The following STRBP variants were observed in gnomAD, a reference collection of about 807,000 sequenced individuals.
STRBP encodes the protein spermatid perinuclear RNA-binding protein.
STRBP carries 13 observed loss-of-function variants against 80.1 expected under a neutral mutation model. The observed-to-expected ratio is 0.16, with a 90% CI of 0.11 to 0.26. The LOEUF (loss-of-function observed/expected upper bound fraction) is 0.26. Among genes scored for constraint, STRBP ranks in the 10% least tolerant of loss-of-function variants. STRBP has a pLI of 1.00. For synonymous variants in STRBP, 284 were observed against 291.2 expected, an observed-to-expected ratio of 0.98 and a Z score of 0.25; for missense variants, 485 against 815.2, an observed-to-expected ratio of 0.59 and a Z score of 4.93.
intron 2 of STRBP, among the ~76,000 whole-genome samples, chr9:123,236,160 C>T (rs1431915899): frequency 6.6e-6 from 1 of 152,094 alleles, no homozygotes; most frequent in African/African-American, 2.4e-5. Flanking sequence ...AAAATGTTCC[C>T]AATTTCTTGA....
At chr9:123,146,407 G>C (rs371671818) in intron 13 of STRBP, among the ~76,000 whole-genome samples, 3 of 150,940 alleles carry the variant, frequency 2.0e-5, no homozygotes, top group Non-Finnish European at 2.9e-5. Context: ...ATAGTTTCCC[G>C]TAGCATGTTA....
intron 2 of STRBP, among the ~76,000 whole-genome samples, chr9:123,201,065 G>C (rs1214611509): frequency 6.6e-6 from 1 of 151,876 alleles, no homozygotes; most frequent in Non-Finnish European, 1.5e-5. Context: ...GTATTTCTGT[G>C]GTGTCAAGTG....
chr9:123,246,851 AT>A (rs1271829452), intron 1 of STRBP, among the ~76,000 whole-genome samples: 26 of 152,320 alleles, frequency 1.7e-4, no homozygotes, highest in African/African-American at 5.3e-4. Flanking sequence ...TAACCATCTT[AT>A]TCAATCAAGT....
intron 2 of STRBP, among the ~76,000 whole-genome samples, chr9:123,230,241 C>T (rs2040360466): frequency 6.6e-6 from 1 of 152,074 alleles, no homozygotes. Context: ...AAATAGGAGG[C>T]CAATGTGTTG....
chr9:123,203,844 C>T (rs931456156), intron 2 of STRBP, among the ~76,000 whole-genome samples: 6 of 151,952 alleles, frequency 3.9e-5, no homozygotes, highest in African/African-American at 1.5e-4. Context: ...TGGTGGCAGG[C>T]GCTTGTAGTC....
chr9:123,184,201 CA>C lies in STRBP; in HGVS notation c.-68del. ...CCTCTTTCTTGTCGTCTTCACTAGACACTGTTTTGTGTAACAATACCTCCTC... is the reference window on the plus strand; with the variant it reads ...CCTCTTTCTTGTCGTCTTCACTAGACCTGTTTTGTGTAACAATACCTCCTC... On this transcript the variant is annotated 5_prime_UTR_variant, in exon 3 of 19. The change creates a premature stop within an existing upstream ORF in the 5' untranslated region. Coordinates refer to ENST00000348403, the MANE Select transcript of STRBP (RefSeq NM_018387.5). 1 of 1,548,686 alleles carries C rather than the reference CA, an allele frequency of 6.5e-7. No individual in the cohort carries two copies. The highest frequency in any genetic ancestry group is 1.2e-5 in the South Asian group (1 of 85,458).
chr9:123,206,615 A>G (rs144099329), intron 2 of STRBP, among the ~76,000 whole-genome samples: 153 of 152,136 alleles, frequency 1.0e-3, no homozygotes, highest in African/African-American at 3.2e-3. Flanking sequence ...CATTTCCATA[A>G]TAAGATTTTT....
intron 3 of STRBP, chr9:123,111,849 G>A: frequency 4.2e-6 from 1 of 240,830 alleles, no homozygotes. Context: ...GAGAAGACCA[G>A]GCAGCAAAAT....
intron 1 of STRBP, among the ~76,000 whole-genome samples, chr9:123,263,591 A>C (rs2041204783): frequency 6.6e-6 from 1 of 151,924 alleles, no homozygotes; most frequent in South Asian, 2.1e-4. Context: ...CATGACCAAC[A>C]CCTGGAAGGC....
At chr9:123,140,597 AAAAC>A (rs563994292) in intron 13 of STRBP, among the ~76,000 whole-genome samples, 228 of 152,296 alleles carry the variant, frequency 1.5e-3, no homozygotes, top group African/African-American at 4.7e-3. Context: ...CTGTCTCAAA[AAAAC>A]AAACAAACAA....
rs2035807711 is a variant in STRBP at position 123,123,936 on chromosome 9, C to T, written c.*1661G>A. On this transcript the variant is annotated 3_prime_UTR_variant, in exon 19 of 19. Coordinates refer to ENST00000348403, the MANE Select transcript of STRBP (RefSeq NM_018387.5). ...TCTTGTTTATGTCTAGCCACTAATG[C>T]ACAGGATGAGAATGATAAGTTACAG... 3 of 985,326 alleles carry T rather than the reference C, an allele frequency of 3.0e-6. No homozygotes were observed. Among genetic ancestry groups the T allele is most frequent in the Non-Finnish European group, 3.6e-6 (3 of 829,914 alleles). The allele number at this position is 985,326 out of a possible 1,614,324, so 61.0% of individuals were successfully genotyped here.
chr9:123,132,870 T>C lies in STRBP; in HGVS notation c.1872A>G (p.Thr624=). The C allele has an allele frequency of 1.2e-6, 2 of 1,614,130 alleles. No homozygotes were observed. Among genetic ancestry groups the C allele is most frequent in the Non-Finnish European group, 1.7e-6 (2 of 1,179,978 alleles). ...CTGGAGCTATGTAGCCAGGAGCAGCTGTCGCCCCAACAAAAGCTCCCCTTG... is the reference window on the plus strand; with the variant it reads ...CTGGAGCTATGTAGCCAGGAGCAGCCGTCGCCCCAACAAAAGCTCCCCTTG... The part of the protein sequence containing the change: ...TLTRGAFVGA[T]AAPGYIAPGY... The change falls in exon 17 of 19, where the codon ACA becomes ACG. Residue 624 remains threonine, a synonymous_variant. Coordinates refer to ENST00000348403, the MANE Select transcript of STRBP (RefSeq NM_018387.5).
At chr9:123,250,378 T>TAAC (rs1438756176) in intron 1 of STRBP, among the ~76,000 whole-genome samples, 2 of 152,202 alleles carry the variant, frequency 1.3e-5, no homozygotes, top group African/African-American at 2.4e-5. Flanking sequence ...ATATAATAGT[T>TAAC]TATTAGCATT....
intron 6 of STRBP, among the ~76,000 whole-genome samples, chr9:123,167,134 A>G (rs78109008): frequency 0.017 from 2,520 of 150,964 alleles, 78 homozygotes; most frequent in African/African-American, 0.058. Flanking sequence ...TTCCTTTTTT[A>G]GATTTTACCC....
chr9:123,166,087 G>A (rs911165762), intron 6 of STRBP, among the ~76,000 whole-genome samples: 1 of 152,168 alleles, frequency 6.6e-6, no homozygotes, highest in Admixed American at 6.5e-5. Context: ...CCTTAGAGGT[G>A]CTAAGGATAA....
intron 2 of STRBP, among the ~76,000 whole-genome samples, chr9:123,218,028 G>C (rs1239503673): frequency 1.3e-5 from 2 of 152,138 alleles, no homozygotes; most frequent in South Asian, 2.1e-4. Flanking sequence ...AATTCCTAAA[G>C]AAATCAAATT....
intron 1 of STRBP, among the ~76,000 whole-genome samples, chr9:123,246,421 C>G (rs1588151477): frequency 6.6e-6 from 1 of 152,130 alleles, no homozygotes; most frequent in Non-Finnish European, 1.5e-5. Context: ...TTTGGCAGAC[C>G]GATGTAGAGT....
intron 1 of STRBP, among the ~76,000 whole-genome samples, chr9:123,244,417 C>T (rs952056403): frequency 6.6e-6 from 1 of 152,142 alleles, no homozygotes; most frequent in Non-Finnish European, 1.5e-5. Flanking sequence ...ACCCACAGAC[C>T]TGTACAAGTC....
At chr9:123,116,208 C>G (rs1037995780) in intron 2 of STRBP, 1 of 419,572 alleles carries the variant, frequency 2.4e-6, no homozygotes, top group Non-Finnish European at 4.8e-6. Context: ...GTTACTGTGA[C>G]GGTGATCCCA....
Sources: gnomAD v4.1 joint callset for allele counts (sites outside exome capture counted in the v4.1 genomes callset) on GRCh38, gnomAD v4.1.1 for gene constraint, MANE v1.5 for transcripts, NCBI Gene and HGNC (gene_info 2026-07-23, HGNC 2026-07-21) for gene names.